The following DROSHA variants were observed in gnomAD, a reference collection of about 807,000 sequenced individuals.
The protein encoded by DROSHA is ribonuclease 3.
A neutral mutation model predicts 181.9 loss-of-function variants in DROSHA; 56 were observed. The ratio of observed to expected loss-of-function variants is 0.31; its 90% CI spans 0.25 to 0.38. DROSHA has a LOEUF of 0.38. Ranked by LOEUF, DROSHA falls within the 10% of genes least tolerant of loss-of-function variation. The probability of loss-of-function intolerance (pLI) is 1.00; values close to 1 mark genes in which losing one functional copy is unlikely to be tolerated. For missense variants in DROSHA, 1,218 were observed against 1,743.5 expected, an observed-to-expected ratio of 0.70 and a Z score of 5.37; for synonymous variants, 524 against 591.2, an observed-to-expected ratio of 0.89 and a Z score of 1.65.
At chr5:31,404,563 C>T (rs907728470) in intron 35 of DROSHA, among the ~76,000 whole-genome samples, 2 of 152,162 alleles carry the variant, frequency 1.3e-5, no homozygotes, top group African/African-American at 4.8e-5. Context: ...CCTCATTTAG[C>T]AGGGTACTTG....
chr5:31,511,523 T>G (rs1738677708), intron 8 of DROSHA, among the ~76,000 whole-genome samples: 1 of 152,004 alleles, frequency 6.6e-6, no homozygotes, highest in East Asian at 1.9e-4. Flanking sequence ...CTGGGCAACA[T>G]AGCAAGACCC....
At chr5:31,441,306 G>C (rs1411240724) in intron 23 of DROSHA, among the ~76,000 whole-genome samples, 1 of 152,116 alleles carries the variant, frequency 6.6e-6, no homozygotes, top group Non-Finnish European at 1.5e-5. Context: ...AGCTACTCTG[G>C]AGGCTGAGGT....
chr5:31,441,722 C>T (rs761120699), intron 23 of DROSHA, among the ~76,000 whole-genome samples: 3 of 152,226 alleles, frequency 2.0e-5, no homozygotes, highest in East Asian at 3.9e-4. Context: ...TTTCAAGAAA[C>T]CTATTAAGCT....
At chr5:31,466,099 G>T (rs1033495710) in intron 19 of DROSHA, 83 bp downstream of exon 19, 2 of 1,352,330 alleles carry the variant, frequency 1.5e-6, no homozygotes, top group East Asian at 2.3e-5. Context: ...TCTTGTACCA[G>T]AAGTATAGTG....
intron 11 of DROSHA, among the ~76,000 whole-genome samples, chr5:31,502,086 CACA>C (rs1753634100): frequency 1.3e-5 from 2 of 152,230 alleles, no homozygotes; most frequent in Non-Finnish European, 2.9e-5. Context: ...ATGAAGAAAG[CACA>C]ACACCTAAGT....
rs764885841 is a variant in DROSHA at position 31,515,150 on chromosome 5, C to T, written c.1128G>A (p.Gln376=). ...EEEKDRWSDN[Q]SSGKDKNYTS... Reference sequence around the variant, plus strand: ...TATAGTTCTTGTCTTTGCCAGAACTCTGGTTGTCACTCCAACGGTCTTTTT... The same window carrying T: ...TATAGTTCTTGTCTTTGCCAGAACTTTGGTTGTCACTCCAACGGTCTTTTT... The change falls in exon 8 of 36, where the codon CAG becomes CAA. Residue 376 remains glutamine, a synonymous_variant. Transcript: ENST00000344624. 1.4e-5 allele frequency: 22 copies of T among 1,613,844 alleles called. No homozygotes were observed. The highest frequency in any genetic ancestry group is 1.9e-5 in the Non-Finnish European group (22 of 1,179,898).
chr5:31,505,242 GGAT>G (rs1262979520), intron 10 of DROSHA, among the ~76,000 whole-genome samples: 1 of 152,198 alleles, frequency 6.6e-6, no homozygotes, highest in African/African-American at 2.4e-5. Context: ...CTAAGCACGG[GGAT>G]GATAAAGAGC....
In DROSHA at chr5:31,508,668, G is replaced by A; in HGVS notation, c.1540C>T (p.His514Tyr). 1 of 1,613,896 alleles carries A rather than the reference G, an allele frequency of 6.2e-7. No homozygotes were observed. The highest frequency in any genetic ancestry group is 8.5e-7 in the Non-Finnish European group (1 of 1,179,858). ...AGTTCATCATGAAGTCGGTCAGGGTGGGCCTTTTTGCGTTTGATTTCTGCA... is the reference window on the plus strand; with the variant it reads ...AGTTCATCATGAAGTCGGTCAGGGTAGGCCTTTTTGCGTTTGATTTCTGCA... ...VIAEIKRKKA[H>Y]PDRLHDELWY... Residue 514 changes from histidine to tyrosine, a missense_variant, in exon 10 of 36, where the codon CAC (histidine) becomes TAC (tyrosine). By Grantham distance (83) the His-to-Tyr change is moderately conservative. This residue lies in a region of DROSHA where 460 missense variants were observed against 774.2 expected (regional missense o/e 0.59). Coordinates refer to ENST00000344624, the MANE Select transcript of DROSHA (RefSeq NM_001382508.1).
chr5:31,481,178 C>G (rs1017275475), intron 16 of DROSHA, among the ~76,000 whole-genome samples: 1 of 152,078 alleles, frequency 6.6e-6, no homozygotes, highest in African/African-American at 2.4e-5. Context: ...AATTTCCTAT[C>G]TAATACCAAA....
At position 31,510,069 on chromosome 5, in the gene DROSHA, A is replaced by G. The variant is rs150999420; in HGVS notation, c.1432+966T>C. Among the ~76,000 whole-genome samples the G allele has an allele frequency of 3.4e-3, 500 of 145,826 alleles. 3 individuals are homozygous for G. The highest frequency in any genetic ancestry group is 0.012 in the African/African-American group (478 of 39,976). ...ACAATTTGAAAAAAAAAAAAAACAG[A>G]CCTAGAAGTTAGATTAATCCTACAT... On this transcript the variant is annotated intron_variant, in intron 9 of 35. Transcript: ENST00000344624.
chr5:31,491,185 T>TA (rs11301107), intron 13 of DROSHA, among the ~76,000 whole-genome samples: 12,453 of 140,266 alleles, frequency 0.089, 600 homozygotes, highest in Non-Finnish European at 0.1. Flanking sequence ...TGTCCAAGGT[T>TA]AAAAAAAAAA....
intron 13 of DROSHA, among the ~76,000 whole-genome samples, chr5:31,491,340 G>A (rs1176431901): frequency 6.6e-6 from 1 of 152,070 alleles, no homozygotes. Context: ...AAGCCAATGA[G>A]ATTGTTCCCA....
chr5:31,444,544 C>T (rs73075717), intron 23 of DROSHA, among the ~76,000 whole-genome samples: 1 of 152,086 alleles, frequency 6.6e-6, no homozygotes, highest in Non-Finnish European at 1.5e-5. Context: ...TATCAAAAGA[C>T]AATTTACATA....
chr5:31,514,849 G>A lies in DROSHA; in HGVS notation c.1290+139C>T. 1.4e-6 allele frequency: 1 copy of A among 727,492 alleles called. No homozygotes were observed. Among genetic ancestry groups the A allele is most frequent in the Non-Finnish European group, 2.2e-6 (1 of 451,310 alleles). 45.1% of individuals were successfully genotyped at this position (727,492 alleles called of 1,614,324 possible). The stretch of plus-strand genomic sequence containing the variant: ...GAGGGGTACTACTGGCATCTAACAG[G>A]TAGAGCCCAGAGATGCCGCTAAACA... On this transcript the variant is annotated intron_variant, in intron 8 of 35. Coordinates refer to ENST00000344624, the MANE Select transcript of DROSHA (RefSeq NM_001382508.1). This position sits in a 1 kb window ranked among gnomAD's most constrained non-coding sequence, Gnocchi z 4.4.
At position 31,526,225 on chromosome 5, in the gene DROSHA, G is replaced by A. The variant is rs1466565024; in HGVS notation, c.708C>T (p.His236=). 1 of 1,613,928 alleles carries A rather than the reference G, an allele frequency of 6.2e-7. No homozygotes were observed. Among genetic ancestry groups the A allele is most frequent in the Non-Finnish European group, 8.5e-7 (1 of 1,179,878 alleles). The change falls in exon 5 of 36, where the codon CAC becomes CAT. Residue 236 remains histidine, a synonymous_variant. Transcript: ENST00000344624. Reference sequence around the variant, plus strand: ...GATGCCTCTCACCTCGCCCATGACTGTGATCTCGGTGCCTGTGGTCATCAT... The same window carrying A: ...GATGCCTCTCACCTCGCCCATGACTATGATCTCGGTGCCTGTGGTCATCAT... The part of the protein sequence containing the change: ...KHYDDHRHRD[H]SHGRGERHRS...
chr5:31,457,890 CTCAA>C (rs1208457962), intron 20 of DROSHA, among the ~76,000 whole-genome samples: 2 of 152,136 alleles, frequency 1.3e-5, no homozygotes, highest in African/African-American at 2.4e-5. Context: ...AAGACCCTGA[CTCAA>C]TCAATCTGTC....
chr5:31,430,381 A>C (rs1386276204), intron 26 of DROSHA, among the ~76,000 whole-genome samples: 2 of 152,194 alleles, frequency 1.3e-5, no homozygotes, highest in Non-Finnish European at 2.9e-5. Context: ...GGATGTTAGA[A>C]AAGACTTACA....
rs370347522 is a variant in DROSHA, at chr5:31,443,257, A to T, written c.2882+5290T>A. On this transcript the variant is annotated intron_variant, in intron 23 of 35. Coordinates refer to ENST00000344624, the MANE Select transcript of DROSHA (RefSeq NM_001382508.1). Reference sequence around the variant, plus strand: ...GGACTTGAACTCCTGACCTCAGGTGATCCACCCACCTCGGCCTCCCAAAGT... The same window carrying T: ...GGACTTGAACTCCTGACCTCAGGTGTTCCACCCACCTCGGCCTCCCAAAGT... Among the ~76,000 whole-genome samples the T allele has an allele frequency of 8.6e-5, 13 of 152,042 alleles. No individual in the cohort carries two copies. The East Asian group carries it at 9.7e-4, about 11-fold the overall frequency.
chr5:31,413,304 A>G (rs1238189072), intron 30 of DROSHA, among the ~76,000 whole-genome samples: 1 of 152,190 alleles, frequency 6.6e-6, no homozygotes, highest in Non-Finnish European at 1.5e-5. Flanking sequence ...ACCAAAAATC[A>G]GTGGGGGAGA....
Sources: allele counts gnomAD v4.1 joint callset (sites outside exome capture counted in the v4.1 genomes callset), GRCh38; gene constraint gnomAD v4.1.1; regional missense constraint gnomAD v4.1.1; non-coding constraint Gnocchi (gnomAD v3.1); transcripts MANE v1.5; gene names NCBI Gene and HGNC (gene_info 2026-07-23, HGNC 2026-07-21).